BBS9: variants seen among roughly 807,000 people sequenced by gnomAD.
The protein encoded by BBS9 is protein PTHB1.
Under a neutral mutation model 117.7 loss-of-function variants are expected in BBS9, and 89 were observed. That is an observed-to-expected ratio of 0.76 (90% CI 0.64 to 0.90). The LOEUF is 0.90. BBS9 is among the 40% of genes least tolerant of loss of function. The pLI is 0.00. For missense variants in BBS9, 982 were observed against 1,042.2 expected (o/e 0.94, Z 0.80); for synonymous variants, 379 against 370.9 (o/e 1.02, Z -0.25).
At chr7:33,319,948 A>G (rs2128577634) in intron 9 of BBS9, among the ~76,000 whole-genome samples, 1 of 152,312 alleles carries the variant, frequency 6.6e-6, no homozygotes, top group South Asian at 2.1e-4. Flanking sequence ...GGCCACAAAC[A>G]TATAAAAAAG....
At chr7:33,603,171 G>A (rs1864060645) in intron 21 of BBS9, among the ~76,000 whole-genome samples, 1 of 152,114 alleles carries the variant, frequency 6.6e-6, no homozygotes, top group Admixed American at 6.5e-5. Context: ...TCTTGTGTGT[G>A]AAGGCCGCTG....
At chr7:33,450,587 T>A (rs994908756) in intron 19 of BBS9, among the ~76,000 whole-genome samples, 2 of 152,182 alleles carry the variant, frequency 1.3e-5, no homozygotes, top group South Asian at 4.1e-4. Flanking sequence ...AGGTGATAGC[T>A]CTTTGTGGTT....
At chr7:33,634,756 C>T (rs1022408440) in intron 21 of BBS9, among the ~76,000 whole-genome samples, 1 of 152,190 alleles carries the variant, frequency 6.6e-6, no homozygotes, top group Non-Finnish European at 1.5e-5. Context: ...GTGGACAGGG[C>T]AGGGCATGAA....
At chr7:33,366,502 C>T (rs1433395408) in intron 16 of BBS9, among the ~76,000 whole-genome samples, 1 of 150,392 alleles carries the variant, frequency 6.6e-6, no homozygotes, top group African/African-American at 2.4e-5. Flanking sequence ...CCTTTACCCC[C>T]GTGATGATGT....
At chr7:33,436,491 A>T (rs1384615463) in intron 19 of BBS9, among the ~76,000 whole-genome samples, 2 of 152,246 alleles carry the variant, frequency 1.3e-5, no homozygotes, top group Admixed American at 6.5e-5. Context: ...TGATACTTGT[A>T]ATTACATTAT....
chr7:33,332,538 G>A (rs1426323304), intron 9 of BBS9, among the ~76,000 whole-genome samples: 1 of 152,084 alleles, frequency 6.6e-6, no homozygotes, highest in Non-Finnish European at 1.5e-5. Context: ...TTAGCTGGGT[G>A]TGGTGGCAGG....
intron 9 of BBS9, among the ~76,000 whole-genome samples, chr7:33,313,751 C>T (rs1436736744): frequency 6.6e-6 from 1 of 152,098 alleles, no homozygotes; most frequent in East Asian, 1.9e-4. Flanking sequence ...ATTACCATGT[C>T]CCTCTCATTA....
At chr7:33,246,320 A>G (rs1795323457) in intron 5 of BBS9, among the ~76,000 whole-genome samples, 1 of 150,738 alleles carries the variant, frequency 6.6e-6, no homozygotes, top group Non-Finnish European at 1.5e-5. Flanking sequence ...CCACAACATT[A>G]ATTAATTGGT....
At chr7:33,321,838 A>T (rs1032713929) in intron 9 of BBS9, among the ~76,000 whole-genome samples, 2 of 151,978 alleles carry the variant, frequency 1.3e-5, no homozygotes, top group Admixed American at 1.3e-4. Context: ...ATTCAGTATG[A>T]TATTAGCTAT....
chr7:33,459,441 T>C (rs2128930887), intron 19 of BBS9, among the ~76,000 whole-genome samples: 1 of 152,012 alleles, frequency 6.6e-6, no homozygotes, highest in East Asian at 1.9e-4. Context: ...AGAGCAGCCC[T>C]CACAGCAAAC....
intron 4 of BBS9, among the ~76,000 whole-genome samples, chr7:33,163,967 T>A (rs548400999): frequency 6.6e-6 from 1 of 152,358 alleles, no homozygotes; most frequent in Admixed American, 6.5e-5. Flanking sequence ...TGTGGGCTTT[T>A]AGTGCTATAA....
intron 16 of BBS9, among the ~76,000 whole-genome samples, chr7:33,366,068 T>C (rs974423980): frequency 5.3e-5 from 8 of 152,138 alleles, no homozygotes; most frequent in African/African-American, 1.9e-4. Flanking sequence ...TAGGGGAATG[T>C]GCAAGGTTTG....
chr7:33,251,488 G>A (rs1304209193), intron 5 of BBS9, among the ~76,000 whole-genome samples: 1 of 152,112 alleles, frequency 6.6e-6, no homozygotes, highest in Non-Finnish European at 1.5e-5. Context: ...GATAACTAGG[G>A]GGAAGCTAGC....
intron 5 of BBS9, among the ~76,000 whole-genome samples, chr7:33,196,119 A>T (rs532935120): frequency 6.6e-6 from 1 of 152,284 alleles, no homozygotes; most frequent in African/African-American, 2.4e-5. Context: ...ATTCTTTGGA[A>T]TAAAAGTCCT....
At chr7:33,599,471 T>G (rs1474158399) in intron 21 of BBS9, among the ~76,000 whole-genome samples, 1 of 152,210 alleles carries the variant, frequency 6.6e-6, no homozygotes, top group Non-Finnish European at 1.5e-5. Context: ...GGCTAATGAT[T>G]GCTATATGTA....
At chr7:33,213,546 C>T (rs896477605) in intron 5 of BBS9, among the ~76,000 whole-genome samples, 2 of 152,206 alleles carry the variant, frequency 1.3e-5, no homozygotes, top group Admixed American at 6.5e-5. Flanking sequence ...ATTTCTCAAA[C>T]AGAAAGAGTG....
intron 2 of BBS9, among the ~76,000 whole-genome samples, chr7:33,151,153 G>C (rs1793243427): frequency 6.6e-6 from 1 of 152,148 alleles, no homozygotes; most frequent in Non-Finnish European, 1.5e-5. Context: ...TCAGGAGGCT[G>C]AGGTGGGAGG....
intron 20 of BBS9, among the ~76,000 whole-genome samples, chr7:33,520,572 T>G (rs1031445744): frequency 6.6e-6 from 1 of 152,306 alleles, no homozygotes; most frequent in Middle Eastern, 3.4e-3. Flanking sequence ...ATTAAGCTTA[T>G]GTTTAAAGCT....
intron 1 of BBS9, among the ~76,000 whole-genome samples, chr7:33,141,753 G>A (rs1336354153): frequency 1.3e-5 from 2 of 151,856 alleles, no homozygotes; most frequent in African/African-American, 4.8e-5. Context: ...TTTATTATTA[G>A]CTCCTCATAG....
Sources: allele counts gnomAD v4.1 joint callset (sites outside exome capture counted in the v4.1 genomes callset), GRCh38; gene constraint gnomAD v4.1.1; transcripts MANE v1.5; gene names NCBI Gene and HGNC (gene_info 2026-07-23, HGNC 2026-07-21).